The following CPAP variants were observed in gnomAD, a reference collection of about 807,000 sequenced individuals.
CPAP encodes the protein centrosome assembly and centriole elongation protein.
At chr13:24,925,533 C>G in the CPAP span, among the ~76,000 whole-genome samples, 1 of 152,100 alleles carries the variant, frequency 6.6e-6, no homozygotes, top group Non-Finnish European at 1.5e-5. Flanking sequence ...TCACTTCAGC[C>G]CAGGAGTTGA....
chr13:24,898,243 T>A, the CPAP span, among the ~76,000 whole-genome samples: 2 of 152,290 alleles, frequency 1.3e-5, no homozygotes, highest in African/African-American at 4.8e-5. Context: ...ACATACTGAC[T>A]ATGTATAGGT....
the CPAP span, chr13:24,889,244 A>G: frequency 2.0e-6 from 2 of 1,019,962 alleles, no homozygotes; most frequent in Non-Finnish European, 3.1e-6. Context: ...GAAATGTTTT[A>G]TTAAGTTGGG....
the CPAP span, among the ~76,000 whole-genome samples, chr13:24,928,039 G>A: frequency 6.6e-6 from 1 of 152,168 alleles, no homozygotes; most frequent in African/African-American, 2.4e-5. Context: ...CCCTGAAGGG[G>A]GAACAATAAT....
the CPAP span, chr13:24,883,952 T>C: frequency 2.5e-6 from 4 of 1,614,092 alleles, no homozygotes; most frequent in Admixed American, 3.3e-5. Context: ...GTGAACATAA[T>C]GTTGCCATAC....
the CPAP span, among the ~76,000 whole-genome samples, chr13:24,900,335 T>G: frequency 1.3e-5 from 2 of 151,980 alleles, no homozygotes; most frequent in East Asian, 1.9e-4. Context: ...GGAGAAGGTG[T>G]CAAAAAAGGA....
At chr13:24,913,889 A>G in the CPAP span, among the ~76,000 whole-genome samples, 1 of 152,242 alleles carries the variant, frequency 6.6e-6, no homozygotes, top group Admixed American at 6.5e-5. Context: ...TGTGATAGAT[A>G]TACTTAAACA....
chr13:24,909,854 T>C, the CPAP span: 1 of 1,614,046 alleles, frequency 6.2e-7, no homozygotes, highest in Non-Finnish European at 8.5e-7. Flanking sequence ...CTTGATACTG[T>C]GCCTCAGAAA....
At chr13:24,896,713 A>G in the CPAP span, among the ~76,000 whole-genome samples, 4 of 152,212 alleles carry the variant, frequency 2.6e-5, no homozygotes, top group Non-Finnish European at 5.9e-5. Context: ...AAAGAGAAGG[A>G]AAAAAAGCAA....
At chr13:24,888,689 G>A in the CPAP span, among the ~76,000 whole-genome samples, 2 of 152,138 alleles carry the variant, frequency 1.3e-5, no homozygotes, top group Non-Finnish European at 2.9e-5. Context: ...ATCAAGACAC[G>A]CTCTGCAGCC....
At chr13:24,885,409 G>T in the CPAP span, 1 of 1,538,638 alleles carries the variant, frequency 6.5e-7, no homozygotes, top group Non-Finnish European at 9.0e-7. Context: ...CACATTTCAA[G>T]CAGCTAAAAC....
chr13:24,928,524 G>A, the CPAP span, among the ~76,000 whole-genome samples: 25 of 152,264 alleles, frequency 1.6e-4, no homozygotes, highest in Admixed American at 1.5e-3. Context: ...TCCACCTCCC[G>A]AGTTCAAGTG....
At chr13:24,909,329 C>G in the CPAP span, among the ~76,000 whole-genome samples, 1 of 152,124 alleles carries the variant, frequency 6.6e-6, no homozygotes, top group South Asian at 2.1e-4. Flanking sequence ...GAGTTTGAGA[C>G]TAGCCTGGCC....
At chr13:24,912,663 G>A in the CPAP span, 1 of 1,612,650 alleles carries the variant, frequency 6.2e-7, no homozygotes, top group Admixed American at 1.7e-5. Context: ...AGTCATTTTT[G>A]TTTTCTTCCT....
At chr13:24,883,461 G>T in the CPAP span, 1 of 952,656 alleles carries the variant, frequency 1.0e-6, no homozygotes, top group Non-Finnish European at 1.6e-6. Flanking sequence ...TTTTGAGTCT[G>T]GCAGCTACTT....
At chr13:24,897,186 G>A in the CPAP span, among the ~76,000 whole-genome samples, 56 of 152,172 alleles carry the variant, frequency 3.7e-4, no homozygotes, top group Non-Finnish European at 5.6e-4. Context: ...AGGTTGCAGT[G>A]AGCTGAAATT....
the CPAP span, chr13:24,899,435 T>G: frequency 6.2e-7 from 1 of 1,613,332 alleles, no homozygotes; most frequent in East Asian, 2.2e-5. Context: ...TTCTTCACGT[T>G]CCTTTTTATC....
the CPAP span, chr13:24,886,382 G>A: frequency 1.6e-6 from 2 of 1,288,726 alleles, no homozygotes; most frequent in Non-Finnish European, 2.0e-6. Context: ...CGGCTGTGCT[G>A]TGCCTGTGAG....
chr13:24,904,115 A>G, the CPAP span: 1 of 1,596,128 alleles, frequency 6.3e-7, no homozygotes, highest in East Asian at 2.2e-5. Flanking sequence ...CAGCAAAAAC[A>G]CTAGCTAGCT....
At chr13:24,918,683 G>A in the CPAP span, among the ~76,000 whole-genome samples, 1 of 152,152 alleles carries the variant, frequency 6.6e-6, no homozygotes, top group Non-Finnish European at 1.5e-5. Context: ...CTTCATTTAT[G>A]TTTTGTGTCT....
Sources: gnomAD v4.1 joint callset for allele counts (sites outside exome capture counted in the v4.1 genomes callset) on GRCh38, gnomAD v4.1.1 for gene constraint, MANE v1.5 for transcripts, NCBI Gene and HGNC (gene_info 2026-07-23, HGNC 2026-07-21) for gene names.